ITPR1: variants seen among roughly 807,000 people sequenced by gnomAD.
ITPR1 encodes inositol 1,4,5-trisphosphate-gated calcium channel ITPR1.
Under a neutral mutation model 318.4 loss-of-function variants are expected in ITPR1, and 96 were observed. That is an observed-to-expected ratio of 0.30 (90% CI 0.26 to 0.36). ITPR1 has a LOEUF of 0.36. ITPR1 is among the 10% of genes least tolerant of loss of function. ITPR1 has a pLI of 1.00. For synonymous variants in ITPR1, 1,312 were observed against 1,289.9 expected, an observed-to-expected ratio of 1.02 and a Z score of -0.37; for missense variants, 2,440 against 3,460.2, an observed-to-expected ratio of 0.71 and a Z score of 7.40.
At chr3:4,820,837 A>G (rs2049661871) in intron 60 of ITPR1, among the ~76,000 whole-genome samples, 1 of 152,156 alleles carries the variant, frequency 6.6e-6, no homozygotes, top group East Asian at 1.9e-4. Context: ...GCGGACTCCT[A>G]AGGGAGCATT....
At chr3:4,639,668 G>T (rs1197854838) in intron 6 of ITPR1, among the ~76,000 whole-genome samples, 198 bp downstream of exon 6, 1 of 152,186 alleles carries the variant, frequency 6.6e-6, no homozygotes, top group Non-Finnish European at 1.5e-5. Flanking sequence ...CTCTCAGCGT[G>T]AGCATCTACT....
intron 5 of ITPR1, among the ~76,000 whole-genome samples, chr3:4,631,262 G>A (rs1559574546): frequency 6.6e-6 from 1 of 152,062 alleles, no homozygotes; most frequent in Non-Finnish European, 1.5e-5. Flanking sequence ...GATGACTGCA[G>A]TATGAGCTTG....
intron 54 of ITPR1, among the ~76,000 whole-genome samples, chr3:4,805,868 G>A (rs572308152): frequency 1.3e-5 from 2 of 152,318 alleles, no homozygotes; most frequent in African/African-American, 4.8e-5. Context: ...CTTGATTACT[G>A]TTGCGCATGA....
chr3:4,624,591 A>G (rs969532627), intron 4 of ITPR1, among the ~76,000 whole-genome samples: 2 of 144,868 alleles, frequency 1.4e-5, no homozygotes, highest in Non-Finnish European at 3.0e-5. Context: ...AATCACTTGA[A>G]CCCGGGAGGC....
rs768520595 is a variant in ITPR1, at chr3:4,681,263, G to A, written c.3107-101G>A. On this transcript the variant is annotated intron_variant, in intron 25 of 61. Coordinates refer to ENST00000649015, the MANE Select transcript of ITPR1 (RefSeq NM_001378452.1). Reference sequence around the variant, plus strand: ...AATATAATGTTCTGGGAGATTTGGGGTTAACTCAACAGCTTTACCCTGCAA... The same window carrying A: ...AATATAATGTTCTGGGAGATTTGGGATTAACTCAACAGCTTTACCCTGCAA... 3.3e-4 allele frequency: 254 copies of A among 779,682 alleles called. 2 individuals carry two copies. The highest frequency in any genetic ancestry group is 3.0e-3 in the Middle Eastern group (13 of 4,374). The allele number at this position is 779,682 out of a possible 1,614,324, so 48.3% of individuals were successfully genotyped here.
At chr3:4,661,575 T>TG (rs140676427) in intron 14 of ITPR1, among the ~76,000 whole-genome samples, 8,826 of 152,238 alleles carry the variant, frequency 0.058, 464 homozygotes, top group African/African-American at 0.13. Context: ...TAAATAGACA[T>TG]GGGGGTTTTC....
intron 5 of ITPR1, among the ~76,000 whole-genome samples, chr3:4,637,983 C>G (rs1045406946): frequency 6.6e-6 from 1 of 152,182 alleles, no homozygotes; most frequent in Non-Finnish European, 1.5e-5. Flanking sequence ...TACATTTTCT[C>G]TGATCTCTAC....
Position 4,663,147 on chromosome 3 carries a change from T to C in ITPR1, c.1495T>C (p.Phe499Leu), listed in dbSNP as rs1405549673. The C allele has an allele frequency of 1.2e-6, 2 of 1,613,908 alleles. No individual in the cohort carries two copies. Among genetic ancestry groups the C allele is most frequent in the South Asian group, 2.2e-5 (2 of 91,076 alleles). ...NSGQDVLEVV[F>L]SKPNRERQKL... ...TGGTCAAGATGTTCTCGAAGTTGTC[T>C]TCTCCAAGCCCAACAGAGAACGGCA... The change falls in exon 16 of 62, where the codon TTC becomes CTC. Residue 499 changes from phenylalanine to leucine, a missense_variant. Coordinates refer to ENST00000649015, the MANE Select transcript of ITPR1 (RefSeq NM_001378452.1).
intron 44 of ITPR1, among the ~76,000 whole-genome samples, chr3:4,742,118 G>T (rs968739319): frequency 7.2e-5 from 11 of 152,124 alleles, no homozygotes; most frequent in Admixed American, 6.5e-4. Flanking sequence ...AAATGGTGGC[G>T]TAAAGGTTAG....
At chr3:4,541,947 G>T (rs561268668) in intron 4 of ITPR1, among the ~76,000 whole-genome samples, 1 of 151,918 alleles carries the variant, frequency 6.6e-6, no homozygotes, top group African/African-American at 2.4e-5. Flanking sequence ...TTTTAATCTC[G>T]CCATCTTTTT....
In ITPR1 at chr3:4,847,335, A is replaced by ACTT. The variant is rs1031790995; in HGVS notation, c.*1111_*1113dup. 3.4e-5 allele frequency: 5 copies of ACTT among 146,194 alleles called. No homozygotes were observed. In the South Asian group the frequency reaches 8.7e-4, roughly 25 times the overall value. The allele number at this position is 146,194 out of a possible 1,614,324, so 9.1% of individuals were successfully genotyped here. On this transcript the variant is annotated 3_prime_UTR_variant, in exon 62 of 62. Transcript: ENST00000649015. ...TGATGGATGAAAAATATGAAAGGAA[A>ACTT]CTTTTATATCTGTTGCCTAGTTTTG...
chr3:4,674,383 C>T (rs1235662470), intron 22 of ITPR1, 40 bp downstream of exon 22: 1 of 1,535,492 alleles, frequency 6.5e-7, no homozygotes, highest in South Asian at 1.2e-5. Flanking sequence ...TTATCTGCCT[C>T]TCAGTGGTCA....
At chr3:4,676,305 A>G (rs1482933214) in intron 23 of ITPR1, among the ~76,000 whole-genome samples, 1 of 152,050 alleles carries the variant, frequency 6.6e-6, no homozygotes, top group Non-Finnish European at 1.5e-5. Flanking sequence ...TCATTGTGTC[A>G]CTGCACTCCA....
chr3:4,782,353 A>G (rs1042041844), intron 49 of ITPR1: 11 of 292,082 alleles, frequency 3.8e-5, no homozygotes, highest in Non-Finnish European at 6.3e-5. Context: ...GCTGCCTTCT[A>G]AAGAAGGACA....
chr3:4,747,957 C>A (rs1333993838), intron 44 of ITPR1, among the ~76,000 whole-genome samples: 1 of 152,192 alleles, frequency 6.6e-6, no homozygotes, highest in Non-Finnish European at 1.5e-5. Flanking sequence ...CTAAATGCAC[C>A]AGATACTCCC....
intron 29 of ITPR1, 90 bp from the exon 30 acceptor site, chr3:4,684,979 C>T (rs543389835): frequency 2.1e-4 from 278 of 1,310,924 alleles, no homozygotes; most frequent in Non-Finnish European, 2.8e-4. Context: ...ATTATAATCC[C>T]CTTTGCCTCC....
chr3:4,771,059 A>T (rs977421932), intron 46 of ITPR1, among the ~76,000 whole-genome samples: 1 of 152,164 alleles, frequency 6.6e-6, no homozygotes, highest in Non-Finnish European at 1.5e-5. Context: ...CTATTCCCCT[A>T]TGCAGGTGTC....
At chr3:4,750,354 T>C (rs1575116394) in intron 44 of ITPR1, 1 of 152,188 alleles carries the variant, frequency 6.6e-6, no homozygotes, top group African/African-American at 2.4e-5. Flanking sequence ...AACTTCAAGA[T>C]GATTCCTATC....
chr3:4,734,859 T>C (rs1173524463), intron 43 of ITPR1, among the ~76,000 whole-genome samples: 6 of 152,244 alleles, frequency 3.9e-5, no homozygotes, highest in Non-Finnish European at 1.5e-5. Context: ...TAATTGTGTT[T>C]TAATGTAAGG....
Sources: gnomAD v4.1 joint callset for allele counts (sites outside exome capture counted in the v4.1 genomes callset) on GRCh38, gnomAD v4.1.1 for gene constraint, MANE v1.5 for transcripts, NCBI Gene and HGNC (gene_info 2026-07-23, HGNC 2026-07-21) for gene names.